The following DLC1 variants were observed in gnomAD, a reference collection of about 807,000 sequenced individuals.
DLC1 encodes rho GTPase-activating protein 7.
DLC1 carries 54 observed loss-of-function variants against 140.3 expected under a neutral mutation model. That is an observed-to-expected ratio of 0.38 (90% CI 0.31 to 0.48). DLC1 has a LOEUF of 0.48. Among genes scored for constraint, DLC1 ranks in the 20% least tolerant of loss-of-function variants. The pLI is 0.96. For synonymous variants in DLC1, 986 were observed against 728.1 expected (o/e 1.35, Z -5.70); for missense variants, 2,536 against 1,907.0 (o/e 1.33, Z -6.14).
intron 1 of DLC1, among the ~76,000 whole-genome samples, chr8:13,548,780 G>C (rs1188531518): frequency 6.6e-6 from 1 of 151,952 alleles, no homozygotes; most frequent in African/African-American, 2.4e-5. Context: ...ACAAAATCAA[G>C]CTTATTTGGG....
rs1801742156 is a variant in DLC1, at chr8:13,500,151, CA to C, written c.-81del. 3 of 1,271,534 alleles carry C rather than the reference CA, an allele frequency of 2.4e-6. No homozygotes were observed. The allele number at this position is 1,271,534 out of a possible 1,614,324, so 78.8% of individuals were successfully genotyped here. On this transcript the variant is annotated 5_prime_UTR_variant, in exon 2 of 18. Coordinates refer to ENST00000276297, the MANE Select transcript of DLC1 (RefSeq NM_182643.3). ...GATGGAACTTGATGAAAGATTATTTCAAAATCACCAATCAAAGAAGCGAATG... is the reference window on the plus strand; with the variant it reads ...GATGGAACTTGATGAAAGATTATTTCAAATCACCAATCAAAGAAGCGAATG...
chr8:13,214,474 G>C, intron 5 of DLC1: 1 of 649,262 alleles, frequency 1.5e-6, no homozygotes, highest in Non-Finnish European at 2.7e-6. Flanking sequence ...CTGACTGTTG[G>C]TATCTCAGGT....
At chr8:13,509,810 T>C (rs777172411) in intron 1 of DLC1, among the ~76,000 whole-genome samples, 2 of 152,116 alleles carry the variant, frequency 1.3e-5, no homozygotes, top group Non-Finnish European at 2.9e-5. Flanking sequence ...AATAACTTTT[T>C]TCCCCCTGGT....
chr8:13,085,870 T>G lies in DLC1; in HGVS notation c.4528A>C (p.Lys1510Gln). 4 of 1,614,168 alleles carry G rather than the reference T, an allele frequency of 2.5e-6. No individual in the cohort carries two copies. The highest frequency in any genetic ancestry group is 3.4e-6 in the Non-Finnish European group (4 of 1,180,038). Residue 1510 changes from lysine to glutamine, a missense_variant, in exon 18 of 18, where the codon AAG (lysine) becomes CAG (glutamine). Physicochemically the swap from Lys to Gln is moderately conservative, Grantham distance 53. Transcript: ENST00000276297. ...FGHLCAAEVV[K>Q]IRDSFSNQNT... ...TGGTTACTGAAGGAATCCCGGATCT[T>G]TACAACTTCAGCTGCACACAAATGT...
intron 17 of DLC1, 69 bp downstream of exon 17, chr8:13,086,221 G>C (rs1365994186): frequency 4.5e-6 from 7 of 1,551,130 alleles, no homozygotes; most frequent in Non-Finnish European, 6.1e-6. Context: ...GGCATTCTTT[G>C]CATTAGACAA....
chr8:13,576,349 G>C lies in DLC1; in HGVS notation c.-126+28188C>G, dbSNP rs143044158. 1.1e-3 allele frequency among the ~76,000 whole-genome samples: 173 copies of C among 152,288 alleles called. 3 individuals carry two copies. In the East Asian group the frequency reaches 0.031, roughly 28 times the overall value. ...AGGATCACCAATGGGAGTGCCTATT[G>C]TATTGCAATTTGACCAGATTCTAGA... On this transcript the variant is annotated intron_variant, in intron 1 of 1. Transcript: ENST00000631382.
intron 5 of DLC1, among the ~76,000 whole-genome samples, chr8:13,218,151 CT>C (rs1406358562): frequency 6.6e-6 from 1 of 152,138 alleles, no homozygotes; most frequent in Non-Finnish European, 1.5e-5. Context: ...AGAACAGTCT[CT>C]TCAACAAATG....
At chr8:13,526,688 C>G (rs145317758) in intron 1 of DLC1, among the ~76,000 whole-genome samples, 10,174 of 151,964 alleles carry the variant, frequency 0.067, 848 homozygotes, top group East Asian at 0.38. Flanking sequence ...AGCCAAACAC[C>G]GCATGTTCTC....
At chr8:13,536,937 G>A (rs1308207886) in intron 1 of DLC1, among the ~76,000 whole-genome samples, 1 of 151,990 alleles carries the variant, frequency 6.6e-6, no homozygotes, top group African/African-American at 2.4e-5. Flanking sequence ...TATCACCATT[G>A]CATATTGTTA....
intron 2 of DLC1, among the ~76,000 whole-genome samples, chr8:13,417,846 A>C (rs1160643196): frequency 2.0e-5 from 3 of 151,922 alleles, no homozygotes; most frequent in Non-Finnish European, 4.4e-5. Flanking sequence ...AAGTGTTCCT[A>C]TTTCTCCACA....
Position 13,095,114 on chromosome 8 carries a change from C to A in DLC1, c.3299G>T (p.Arg1100Leu). 1 of 1,614,248 alleles carries A rather than the reference C, an allele frequency of 6.2e-7. No homozygotes were observed. The highest frequency in any genetic ancestry group is 8.5e-7 in the Non-Finnish European group (1 of 1,180,052). ...ATCCAAACAATGGTTCCGGAGGTATCGCATGGCCTGCTGGATGCTCTGAGG... is the reference window on the plus strand; with the variant it reads ...ATCCAAACAATGGTTCCGGAGGTATAGCATGGCCTGCTGGATGCTCTGAGG... The part of the protein sequence containing the change: ...PLPQSIQQAM[R>L]YLRNHCLDQV... Residue 1100 changes from arginine to leucine, a missense_variant, in exon 11 of 18, where the codon CGA becomes CTA. Arg to Leu is a moderately radical substitution (Grantham distance 102). Transcript: ENST00000276297.
Position 13,588,006 on chromosome 8 carries a change from G to C in DLC1, c.-126+16531C>G, listed in dbSNP as rs142161675. On this transcript the variant is annotated intron_variant, in intron 1 of 1. Coordinates refer to the DLC1 transcript ENST00000631382. ...ATATAGATCAAATTCCAAAGTCATT[G>C]ACCTTTATTATATAGGTCCTACTTC... is the stretch of plus-strand genomic sequence containing the variant. Among the ~76,000 whole-genome samples, 117 of 152,086 alleles carry C rather than the reference G, an allele frequency of 7.7e-4. 1 individual carries two copies. The highest frequency in any genetic ancestry group is 2.7e-3 in the African/African-American group (112 of 41,520).
At chr8:13,493,672 T>C (rs932363717) in intron 2 of DLC1, among the ~76,000 whole-genome samples, 4 of 152,222 alleles carry the variant, frequency 2.6e-5, no homozygotes, top group African/African-American at 7.2e-5. Flanking sequence ...TCTATACCTC[T>C]TTACATTGTA....
At chr8:13,142,829 C>T (rs138813170) in intron 5 of DLC1, among the ~76,000 whole-genome samples, 119 of 152,278 alleles carry the variant, frequency 7.8e-4, no homozygotes, top group African/African-American at 2.7e-3. Flanking sequence ...GCAGGTGGAT[C>T]ACCTGAGGTT....
At chr8:13,508,052 A>G (rs1389198102) in intron 1 of DLC1, among the ~76,000 whole-genome samples, 3 of 152,210 alleles carry the variant, frequency 2.0e-5, no homozygotes, top group Non-Finnish European at 2.9e-5. Flanking sequence ...ATCCACTAGA[A>G]GTCAGCTCAT....
intron 1 of DLC1, among the ~76,000 whole-genome samples, chr8:13,579,315 T>TTTTATATATATATA (rs1487346725): frequency 1.9e-4 from 2 of 10,670 alleles, no homozygotes; most frequent in African/African-American, 3.4e-4. Context: ...AGGTCTGACT[T>TTTTATATATATATA]TATATATATA....
chr8:13,188,481 C>G (rs1255603736), intron 5 of DLC1, among the ~76,000 whole-genome samples: 1 of 142,854 alleles, frequency 7.0e-6, no homozygotes, highest in East Asian at 2.1e-4. Flanking sequence ...TTAGCAGTTA[C>G]TTTTGGGAGT....
At position 13,577,465 on chromosome 8, in the gene DLC1, A is replaced by T. The variant is rs540546741; in HGVS notation, c.-126+27072T>A. On this transcript the variant is annotated intron_variant, in intron 1 of 1. Coordinates refer to the DLC1 transcript ENST00000631382. ...AGGCAGTTCTCTTTTATGTTCAATA[A>T]TTCTCTTCAGATTTTACGTATATCT... 6.7e-4 allele frequency among the ~76,000 whole-genome samples: 102 copies of T among 152,290 alleles called. 1 individual carries two copies. In the South Asian group the frequency reaches 0.021, roughly 31 times the overall value.
chr8:13,090,250 A>G lies in DLC1; in HGVS notation c.4074+2T>C. 6.2e-7 allele frequency: 1 copy of G among 1,613,398 alleles called. No homozygotes were observed. The highest frequency in any genetic ancestry group is 8.5e-7 in the Non-Finnish European group (1 of 1,179,718). On this transcript the variant is annotated splice_donor_variant, in intron 15 of 17. Transcript: ENST00000276297. LOFTEE classifies it high-confidence loss of function. Reference sequence around the variant, plus strand: ...CTAGCCGACAACAGGGTGAAGCCTTACCTTCTTATAGGACAGCTCAGCCTG... The same window carrying G: ...CTAGCCGACAACAGGGTGAAGCCTTGCCTTCTTATAGGACAGCTCAGCCTG...
Sources: allele counts gnomAD v4.1 joint callset (sites outside exome capture counted in the v4.1 genomes callset), GRCh38; gene constraint gnomAD v4.1.1; transcripts MANE v1.5; gene names NCBI Gene and HGNC (gene_info 2026-07-23, HGNC 2026-07-21).